Variants in RAD51B observed in about 807,000 individuals in gnomAD.
The protein encoded by RAD51B is DNA repair protein RAD51 homolog 2.
A neutral mutation model predicts 42.2 loss-of-function variants in RAD51B; 38 were observed. That is an observed-to-expected ratio of 0.90 (90% CI 0.70 to 1.18). The LOEUF (loss-of-function observed/expected upper bound fraction) is 1.18, where lower values mean the gene tolerates loss of function less well. Ranked by LOEUF, RAD51B falls within the 50% of genes most tolerant of loss-of-function variation. RAD51B has a pLI of 0.00. For missense variants in RAD51B, 373 were observed against 400.7 expected (o/e 0.93, Z 0.59); for synonymous variants, 154 against 145.2 (o/e 1.06, Z -0.43).
intron 7 of RAD51B, among the ~76,000 whole-genome samples, chr14:68,250,191 T>C (rs1310328311): frequency 6.6e-6 from 1 of 152,268 alleles, no homozygotes; most frequent in Non-Finnish European, 1.5e-5. Context: ...TTGCTGTTGT[T>C]TGTCACTCCT....
chr14:68,462,934 C>G (rs1412166144), intron 9 of RAD51B, among the ~76,000 whole-genome samples: 1 of 152,162 alleles, frequency 6.6e-6, no homozygotes, highest in Non-Finnish European at 1.5e-5. Context: ...TTCTTTGAAC[C>G]CTCAGACTTC....
At chr14:68,178,065 G>A (rs962801390) in intron 7 of RAD51B, among the ~76,000 whole-genome samples, 3 of 152,018 alleles carry the variant, frequency 2.0e-5, no homozygotes, top group Non-Finnish European at 4.4e-5. Flanking sequence ...CAGTAATCAG[G>A]GTTGTCTTCT....
intron 7 of RAD51B, among the ~76,000 whole-genome samples, chr14:68,201,579 A>G (rs941352746): frequency 1.3e-5 from 2 of 152,242 alleles, no homozygotes; most frequent in Non-Finnish European, 2.9e-5. Flanking sequence ...GAACCAGACC[A>G]TTAGCAAGTA....
chr14:68,602,880 C>T (rs1891282011), intron 10 of RAD51B, among the ~76,000 whole-genome samples: 1 of 152,206 alleles, frequency 6.6e-6, no homozygotes, highest in African/African-American at 2.4e-5. Context: ...GTATAAATCT[C>T]CTGAAACATT....
At chr14:68,671,570 C>A (rs957286978) in intron 11 of RAD51B, among the ~76,000 whole-genome samples, 3 of 152,106 alleles carry the variant, frequency 2.0e-5, no homozygotes. Context: ...CCCAACACCC[C>A]GCCTCCGACA....
chr14:68,538,760 T>C (rs1430436043), intron 10 of RAD51B, among the ~76,000 whole-genome samples: 1 of 152,160 alleles, frequency 6.6e-6, no homozygotes, highest in Non-Finnish European at 1.5e-5. Context: ...TTCCTACTTG[T>C]ATGGCGAAAA....
exon 11 of RAD51B, chr14:68,611,431 C>T (rs758941790): frequency 3.4e-6 from 2 of 594,842 alleles, no homozygotes; most frequent in Admixed American, 2.8e-5. Context: ...ACTCCTACAA[C>T]CCTTGATCCC....
intron 10 of RAD51B, among the ~76,000 whole-genome samples, chr14:68,621,465 C>A (rs989283323): frequency 2.0e-5 from 3 of 152,220 alleles, no homozygotes; most frequent in Non-Finnish European, 2.9e-5. Context: ...CTACCCAAGC[C>A]ACTGTGGATA....
intron 7 of RAD51B, among the ~76,000 whole-genome samples, chr14:68,116,760 C>G (rs77068928): frequency 0.013 from 1,972 of 152,190 alleles, 46 homozygotes; most frequent in African/African-American, 0.045. Flanking sequence ...ATTCCTAGTT[C>G]TATGTCCTAT....
chr14:67,972,248 C>G (rs2074912290), intron 7 of RAD51B, among the ~76,000 whole-genome samples: 1 of 151,902 alleles, frequency 6.6e-6, no homozygotes, highest in Non-Finnish European at 1.5e-5. Flanking sequence ...AAAATTCTGT[C>G]TCCTTGACAC....
chr14:68,649,140 G>A (rs10133908), intron 10 of RAD51B, among the ~76,000 whole-genome samples: 55,007 of 152,018 alleles, frequency 0.36, 10,563 homozygotes, highest in African/African-American at 0.43. Context: ...GGCACATTAG[G>A]ACACATTAAG....
chr14:68,285,601 C>T (rs1197402697), intron 7 of RAD51B, among the ~76,000 whole-genome samples: 1 of 152,162 alleles, frequency 6.6e-6, no homozygotes, highest in Non-Finnish European at 1.5e-5. Context: ...TATCACTGCA[C>T]CTCGCCATCC....
At chr14:68,305,749 A>G (rs561387019) in intron 8 of RAD51B, among the ~76,000 whole-genome samples, 23 of 152,304 alleles carry the variant, frequency 1.5e-4, no homozygotes, top group Non-Finnish European at 2.5e-4. Flanking sequence ...GTGCCTGGAT[A>G]TCAGCCAGCA....
chr14:68,586,343 T>A (rs1209445319), intron 10 of RAD51B, among the ~76,000 whole-genome samples: 1 of 152,114 alleles, frequency 6.6e-6, no homozygotes, highest in East Asian at 1.9e-4. Flanking sequence ...ACCTTTCCCC[T>A]CCACACACCT....
At chr14:67,834,537 T>C (rs1306066685) in intron 3 of RAD51B, among the ~76,000 whole-genome samples, 2 of 152,138 alleles carry the variant, frequency 1.3e-5, no homozygotes, top group Non-Finnish European at 2.9e-5. Flanking sequence ...TGCTTACTTC[T>C]CTAGCCTCAT....
At chr14:67,859,036 A>G (rs1209066256) in intron 4 of RAD51B, among the ~76,000 whole-genome samples, 3 of 152,218 alleles carry the variant, frequency 2.0e-5, no homozygotes, top group Admixed American at 6.5e-5. Context: ...TAAAACTTTT[A>G]TTGTTTCAAT....
At chr14:68,470,809 C>G in intron 10 of RAD51B, 1 of 407,226 alleles carries the variant, frequency 2.5e-6, no homozygotes, top group East Asian at 4.3e-5. Context: ...TTGTAACCAT[C>G]CTGCGGGATC....
Position 68,191,334 on chromosome 14 carries a change from C to T in RAD51B, c.757-100550C>T, listed in dbSNP as rs565251494. ...TATGGAAACTTGAGCTTCTGTATAA[C>T]AGAGTTTGAAACCATTACATGATCA... On this transcript the variant is annotated intron_variant, in intron 7 of 10. Transcript: ENST00000471583. Among the ~76,000 whole-genome samples, 15 of 152,244 alleles carry T rather than the reference C, an allele frequency of 9.9e-5. 1 individual carries two copies. The highest frequency in any genetic ancestry group is 6.2e-4 in the South Asian group (3 of 4,820).
At chr14:67,990,066 C>T (rs1208180338) in intron 7 of RAD51B, among the ~76,000 whole-genome samples, 3 of 145,046 alleles carry the variant, frequency 2.1e-5, no homozygotes, top group African/African-American at 7.7e-5. Flanking sequence ...GGCGCAATCT[C>T]GGCTCACTGC....
Sources: gnomAD v4.1 joint callset for allele counts (sites outside exome capture counted in the v4.1 genomes callset) on GRCh38, gnomAD v4.1.1 for gene constraint, MANE v1.5 for transcripts, NCBI Gene and HGNC (gene_info 2026-07-23, HGNC 2026-07-21) for gene names.